The following WRAP53 variants were observed in gnomAD, a reference collection of about 807,000 sequenced individuals.
The protein encoded by WRAP53 is telomerase Cajal body protein 1.
Under a neutral mutation model 56.6 loss-of-function variants are expected in WRAP53, and 28 were observed. The ratio of observed to expected loss-of-function variants is 0.50; its 90% CI spans 0.37 to 0.68. The LOEUF (loss-of-function observed/expected upper bound fraction) is 0.68. WRAP53 is among the 30% of genes least tolerant of loss of function. The pLI is 0.00. For synonymous variants in WRAP53, 283 were observed against 283.4 expected, an observed-to-expected ratio of 1.00 and a Z score of 0.01; for missense variants, 671 against 715.5, an observed-to-expected ratio of 0.94 and a Z score of 0.71.
At chr17:7,698,027 G>A (rs930579499) in intron 4 of WRAP53, among the ~76,000 whole-genome samples, 3 of 152,090 alleles carry the variant, frequency 2.0e-5, no homozygotes, top group Non-Finnish European at 4.4e-5. Context: ...CAATATGCCT[G>A]ACTAATTTTT....
intron 4 of WRAP53, among the ~76,000 whole-genome samples, chr17:7,692,902 CG>C (rs2074132767): frequency 6.6e-6 from 1 of 151,472 alleles, no homozygotes; most frequent in Non-Finnish European, 1.5e-5. Context: ...TACAGGCGCC[CG>C]CCACCACGCC....
chr17:7,688,923 G>C lies in WRAP53; in HGVS notation c.275G>C (p.Arg92Pro). Residue 92 changes from arginine (R) to proline (P), a missense_variant, in exon 2 of 11, where the codon CGA (arginine) becomes CCA (proline). This residue lies in a region of WRAP53 where 406 missense variants were observed against 418.5 expected (regional missense o/e 0.97). Coordinates refer to ENST00000396463, the MANE Select transcript of WRAP53 (RefSeq NM_001143992.2). Reference protein sequence around the residue: ...EFGSPSELSPRIEEQELSENT... With the variant: ...EFGSPSELSPPIEEQELSENT... ...GGTTCCCCTAGTGAGTTGAGTCCTC[G>C]AATCGAGGAGCAAGAACTTTCTGAA... 3 of 1,614,132 alleles carry C rather than the reference G, an allele frequency of 1.9e-6. No homozygotes were observed. The highest frequency in any genetic ancestry group is 2.5e-6 in the Non-Finnish European group (3 of 1,180,026).
chr17:7,699,502 T>TATA (rs1567577549), intron 4 of WRAP53, among the ~76,000 whole-genome samples: 25 of 11,748 alleles, frequency 2.1e-3, no homozygotes, highest in Non-Finnish European at 2.8e-3. Flanking sequence ...ATATATATAT[T>TATA]TATATATATA....
chr17:7,693,307 G>A (rs1003113896), intron 4 of WRAP53, among the ~76,000 whole-genome samples: 1 of 151,970 alleles, frequency 6.6e-6, no homozygotes, highest in African/African-American at 2.4e-5. Flanking sequence ...CAGTTAGTGT[G>A]ACTGTGCATC....
rs199522817 is a variant in WRAP53 at position 7,703,287 on chromosome 17, G to A, written c.1448G>A (p.Arg483His). 5.6e-6 allele frequency: 9 copies of A among 1,613,852 alleles called. No individual in the cohort carries two copies. Among genetic ancestry groups the A allele is most frequent in the Non-Finnish European group, 5.1e-6 (6 of 1,180,014 alleles). Residue 483 changes from arginine to histidine, a missense_variant, in exon 11 of 11, where the codon CGT (arginine) becomes CAT (histidine). By Grantham distance (29) the Arg-to-His change is conservative (BLOSUM62 0). This residue lies in a region of WRAP53 where 158 missense variants were observed against 215.7 expected (regional missense o/e 0.73). Transcript: ENST00000396463. ...CTCCTGGCCACTGCCTCCGGTCAGC[G>A]TGTGTTTCCTGAGCCCACAGAGAGT... Reference protein sequence around the residue: ...LPLLATASGQRVFPEPTESGD... With the variant: ...LPLLATASGQHVFPEPTESGD...
Position 7,703,441 on chromosome 17 carries a change from G to A in WRAP53, c.1602G>A (p.Glu534=), listed in dbSNP as rs759455599. ...DSSIPDDHQG[E]KGQGGTEGGV... Reference sequence around the variant, plus strand: ...GCATCCCTGATGATCACCAGGGCGAGAAAGGGCAGGGAGGAACGGAGGGAG... The same window carrying A: ...GCATCCCTGATGATCACCAGGGCGAAAAAGGGCAGGGAGGAACGGAGGGAG... Residue 534 remains glutamate, a synonymous_variant, in exon 11 of 11, where the codon GAG becomes GAA. Coordinates refer to ENST00000396463, the MANE Select transcript of WRAP53 (RefSeq NM_001143992.2). 3 of 1,611,330 alleles carry A rather than the reference G, an allele frequency of 1.9e-6. No homozygotes were observed. The South Asian group carries it at 3.3e-5, about 18-fold the overall frequency.
chr17:7,694,021 G>T (rs116116512), intron 4 of WRAP53, among the ~76,000 whole-genome samples: 72 of 152,196 alleles, frequency 4.7e-4, no homozygotes, highest in African/African-American at 1.4e-3. Flanking sequence ...GGTGGCTCAC[G>T]CCTGTAATCC....
At chr17:7,688,611 C>A in intron 1 of WRAP53, 37 bp from the exon 2 acceptor site, 1 of 1,611,894 alleles carries the variant, frequency 6.2e-7, no homozygotes, top group Non-Finnish European at 8.5e-7. Flanking sequence ...CGAAGCCATC[C>A]TGGCTGAGGC....
chr17:7,687,148 CAACTTT>C (rs1375625237), upstream of WRAP53: 117 of 396,694 alleles, frequency 2.9e-4, no homozygotes, highest in East Asian at 4.1e-3. Context: ...CCTAGGCGTT[CAACTTT>C]GAGTTCGGAT....
At chr17:7,699,502 T>TATATTTATAAA in intron 4 of WRAP53, among the ~76,000 whole-genome samples, 1 of 11,758 alleles carries the variant, frequency 8.5e-5, no homozygotes, top group Non-Finnish European at 1.3e-4. Context: ...ATATATATAT[T>TATATTTATAAA]TATATATATA....
chr17:7,689,234 T>A lies in WRAP53; in HGVS notation c.442T>A (p.Tyr148Asn), dbSNP rs764681311. 13 of 1,613,890 alleles carry A rather than the reference T, an allele frequency of 8.1e-6. No homozygotes were observed. The highest frequency in any genetic ancestry group is 1.3e-5 in the African/African-American group (1 of 74,836). Residue 148 changes from tyrosine to asparagine, a missense_variant, in exon 3 of 11, where the codon TAC becomes AAC. By Grantham distance (143) the Tyr-to-Asn change is moderately radical. This residue lies in a region of WRAP53 where 406 missense variants were observed against 418.5 expected (regional missense o/e 0.97). Coordinates refer to ENST00000396463, the MANE Select transcript of WRAP53 (RefSeq NM_001143992.2). ...CCATCTTCCTTTCAGCGCTTGGAAC[T>A]ACAGCTTCTCCCAGCTGCCTCGATT... ...AEDEGDTAWN[Y>N]SFSQLPRFLS...
At chr17:7,700,886 T>G in intron 5 of WRAP53, 57 bp downstream of exon 5, 1 of 1,339,282 alleles carries the variant, frequency 7.5e-7, no homozygotes, top group South Asian at 1.2e-5. Context: ...AAGCAGGGCC[T>G]CTTGGGAGAG....
At chr17:7,700,653 A>T in intron 4 of WRAP53, 88 bp from the exon 5 acceptor site, 1 of 850,020 alleles carries the variant, frequency 1.2e-6, no homozygotes, top group Non-Finnish European at 2.1e-6. Flanking sequence ...CCATATATAC[A>T]CCCCATCTGC....
At position 7,701,005 on chromosome 17, in the gene WRAP53, C is replaced by T. The variant is rs1340196787; in HGVS notation, c.731+176C>T. 1.3e-5 allele frequency among the ~76,000 whole-genome samples: 2 copies of T among 151,754 alleles called. No individual in the cohort carries two copies. The highest frequency in any genetic ancestry group is 6.6e-5 in the Admixed American group (1 of 15,236). ...TTTTTTTTTTTTAGATTGAGTCTCC[C>T]TCTGTCACCCAGGCTGGAGGGCGGT... is the stretch of plus-strand genomic sequence containing the variant. On this transcript the variant is annotated intron_variant, in intron 5 of 10. Coordinates refer to ENST00000396463, the MANE Select transcript of WRAP53 (RefSeq NM_001143992.2). The surrounding 1 kb of genome is among the most constrained non-coding windows in gnomAD (Gnocchi z 4.2).
intron 4 of WRAP53, among the ~76,000 whole-genome samples, chr17:7,694,345 C>T (rs980107894): frequency 6.7e-6 from 1 of 148,576 alleles, no homozygotes; most frequent in Non-Finnish European, 1.5e-5. Flanking sequence ...CCGGTTCAAG[C>T]GATTCTCCTG....
In WRAP53 at chr17:7,703,097, T is replaced by C. The variant is rs1417855486; in HGVS notation, c.1373T>C (p.Leu458Pro). 6.2e-7 allele frequency: 1 copy of C among 1,614,002 alleles called. No individual in the cohort carries two copies. The highest frequency in any genetic ancestry group is 1.1e-5 in the South Asian group (1 of 91,094). Residue 458 changes from leucine (L) to proline (P), a missense_variant, in exon 10 of 11, where the codon CTG (leucine) becomes CCG (proline). Leu to Pro is a moderately conservative substitution (Grantham distance 98, BLOSUM62 -3). Transcript: ENST00000396463. ...AAGCCGGAGCCCGTGTTGAGTTTTC[T>C]GCCCCAGAAGGACTGCACCAATGGC... is the stretch of plus-strand genomic sequence containing the variant. ...DGKPEPVLSF[L>P]PQKDCTNGVS...
At position 7,703,482 on chromosome 17, in the gene WRAP53, T is replaced by A; in HGVS notation, c.1643T>A (p.Ile548Lys). 1 of 1,586,012 alleles carries A rather than the reference T, an allele frequency of 6.3e-7. No individual in the cohort carries two copies. The highest frequency in any genetic ancestry group is 8.6e-7 in the Non-Finnish European group (1 of 1,165,182). Residue 548 changes from isoleucine to lysine, a missense_variant, in exon 11 of 11, where the codon ATA becomes AAA. Coordinates refer to ENST00000396463, the MANE Select transcript of WRAP53 (RefSeq NM_001143992.2). ...GGTEGGVGEL[I>K] ...ACGGAGGGAGGTGTGGGTGAGCTGA[T>A]ATAAAAAGGTTTTTATGATACTAGA...
chr17:7,690,112 C>T (rs2074089417), intron 4 of WRAP53, among the ~76,000 whole-genome samples: 1 of 152,162 alleles, frequency 6.6e-6, no homozygotes, highest in African/African-American at 2.4e-5. Flanking sequence ...TCACACTCGA[C>T]TAATTTTTAT....
In WRAP53 at chr17:7,702,038, G is replaced by A; in HGVS notation, c.955+249G>A. On this transcript the variant is annotated intron_variant, in intron 7 of 10. Transcript: ENST00000396463. This position sits in a 1 kb window ranked among gnomAD's most constrained non-coding sequence, Gnocchi z 5.0. ...ATACCCTGTCAGCTGTGGAGCTTTT[G>A]GTCTCTGAAATCTTTCTAGAAAATT... The A allele has an allele frequency of 1.3e-6, 1 of 745,516 alleles. No homozygotes were observed. The highest frequency in any genetic ancestry group is 2.3e-6 in the Non-Finnish European group (1 of 427,886). 46.2% of individuals were successfully genotyped at this position (745,516 alleles called of 1,614,324 possible).
Sources: gnomAD v4.1 joint callset for allele counts (sites outside exome capture counted in the v4.1 genomes callset) on GRCh38, gnomAD v4.1.1 for gene constraint, gnomAD v4.1.1 regional missense constraint, Gnocchi (gnomAD v3.1) non-coding constraint, MANE v1.5 for transcripts, NCBI Gene and HGNC (gene_info 2026-07-23, HGNC 2026-07-21) for gene names.